The following FMO3 variants were observed in gnomAD, a reference collection of about 807,000 sequenced individuals.
FMO3 encodes flavin-containing monooxygenase 3.
Under a neutral mutation model 39.4 loss-of-function variants are expected in FMO3, and 40 were observed. The ratio of observed to expected loss-of-function variants is 1.02; its 90% CI spans 0.79 to 1.32. The LOEUF (loss-of-function observed/expected upper bound fraction) is 1.32, where lower values mean the gene tolerates loss of function less well. FMO3 is among the 40% of genes most tolerant of loss of function. The pLI, the probability that FMO3 is intolerant of heterozygous loss-of-function variation, is 0.00. For synonymous variants in FMO3, 219 were observed against 228.8 expected, an observed-to-expected ratio of 0.96 and a Z score of 0.39; for missense variants, 680 against 651.8, an observed-to-expected ratio of 1.04 and a Z score of -0.47.
chr1:171,096,990 T>C (rs967862627), intron 2 of FMO3, among the ~76,000 whole-genome samples: 3 of 150,598 alleles, frequency 2.0e-5, no homozygotes, highest in African/African-American at 7.3e-5. Flanking sequence ...CCTTCCTGTG[T>C]CCAAGTGTTC....
chr1:171,105,788 T>C (rs1655610343), intron 3 of FMO3, among the ~76,000 whole-genome samples: 1 of 152,090 alleles, frequency 6.6e-6, no homozygotes, highest in African/African-American at 2.4e-5. Flanking sequence ...TTCAGTTACA[T>C]TAACTGAAGT....
rs371891579 is a variant in FMO3, at chr1:171,108,174, A to G, written c.580A>G (p.Asn194Asp). 1.2e-6 allele frequency: 2 copies of G among 1,613,894 alleles called. No homozygotes were observed. Among genetic ancestry groups the G allele is most frequent in the Non-Finnish European group, 1.7e-6 (2 of 1,179,910 alleles). ...GKRVLVVGLG[N>D]SGCDIATELS... ...GCGTGTCCTGGTGGTTGGCCTGGGGAATTCGGGCTGTGATATTGCCACAGA... is the reference window on the plus strand; with the variant it reads ...GCGTGTCCTGGTGGTTGGCCTGGGGGATTCGGGCTGTGATATTGCCACAGA... The change falls in exon 5 of 9, where the codon AAT (asparagine) becomes GAT (aspartate). Residue 194 changes from asparagine (N) to aspartate (D), a missense_variant. Asn to Asp is a conservative substitution (Grantham distance 23). Transcript: ENST00000367755.
chr1:171,094,545 AT>A (rs1654862960), intron 2 of FMO3, among the ~76,000 whole-genome samples: 1 of 151,892 alleles, frequency 6.6e-6, no homozygotes, highest in African/African-American at 2.4e-5. Flanking sequence ...AGTTTTACCT[AT>A]TTTTTTCTAG....
chr1:171,096,295 T>A (rs1269332084), intron 2 of FMO3, among the ~76,000 whole-genome samples: 2 of 84,146 alleles, frequency 2.4e-5, no homozygotes, highest in Non-Finnish European at 4.0e-5. Flanking sequence ...TATATATCTA[T>A]TATATATCAT....
chr1:171,102,136 C>T (rs1655424623), intron 2 of FMO3, among the ~76,000 whole-genome samples: 1 of 152,150 alleles, frequency 6.6e-6, no homozygotes, highest in South Asian at 2.1e-4. Context: ...AACATGGCAA[C>T]TAATCTGCCA....
At chr1:171,103,734 T>C in intron 2 of FMO3, 51 bp from the exon 3 acceptor site, 1 of 1,434,824 alleles carries the variant, frequency 7.0e-7, no homozygotes, top group Non-Finnish European at 9.8e-7. Context: ...CTGACCATGA[T>C]CAGTATACTC....
rs138386003 is a variant in FMO3 at position 171,112,938 on chromosome 1, G to A, written c.828-1069G>A. Among the ~76,000 whole-genome samples, 220 of 152,308 alleles carry A rather than the reference G, an allele frequency of 1.4e-3. 1 individual carries two copies. The highest frequency in any genetic ancestry group is 5.1e-3 in the African/African-American group (211 of 41,576). On this transcript the variant is annotated intron_variant, in intron 6 of 8. Coordinates refer to ENST00000367755, the MANE Select transcript of FMO3 (RefSeq NM_001002294.3). Reference sequence around the variant, plus strand: ...CAGCAAAGTAGGAAAGGAACTGAGAGAGAGTGATGACCTGGAAACAAAATG... The same window carrying A: ...CAGCAAAGTAGGAAAGGAACTGAGAAAGAGTGATGACCTGGAAACAAAATG...
chr1:171,103,852 T>C lies in FMO3; in HGVS notation c.200T>C (p.Met67Thr). The change falls in exon 3 of 9, where the codon ATG becomes ACG. Residue 67 changes from methionine (M) to threonine (T), a missense_variant. Transcript: ENST00000367755. ...TTTTCCAACTCTTCCAAAGAGATGA[T>C]GTGTTTCCCAGACTTCCCATTTCCC... ...SVFSNSSKEMMCFPDFPFPDD... is the reference protein window; with the variant it reads ...SVFSNSSKEMTCFPDFPFPDD... 1 of 1,613,854 alleles carries C rather than the reference T, an allele frequency of 6.2e-7. No homozygotes were observed. Among genetic ancestry groups the C allele is most frequent in the Admixed American group, 1.7e-5 (1 of 59,964 alleles).
Position 171,117,203 on chromosome 1 carries a change from G to T in FMO3, c.1360G>T (p.Asp454Tyr). Residue 454 changes from aspartate to tyrosine, a missense_variant, in exon 9 of 9, where the codon GAT (aspartate) becomes TAT (tyrosine). Physicochemically the swap from Asp to Tyr is radical, Grantham distance 160. Transcript: ENST00000367755. Reference sequence around the variant, plus strand: ...CAACATCCCATGGCTGTTTCTCACAGATCCCAAATTGGCCATGGAAGTTTA... The same window carrying T: ...CAACATCCCATGGCTGTTTCTCACATATCCCAAATTGGCCATGGAAGTTTA... ...KPNIPWLFLT[D>Y]PKLAMEVYFG... 6.2e-7 allele frequency: 1 copy of T among 1,614,136 alleles called. No individual in the cohort carries two copies. Among genetic ancestry groups the T allele is most frequent in the Non-Finnish European group, 8.5e-7 (1 of 1,179,998 alleles).
At chr1:171,101,639 C>T in intron 2 of FMO3, 1 of 469,300 alleles carries the variant, frequency 2.1e-6, no homozygotes. Flanking sequence ...CTGTTTACTA[C>T]AGCACTTTCT....
intron 3 of FMO3, among the ~76,000 whole-genome samples, chr1:171,106,512 A>G (rs764417592): frequency 2.6e-5 from 4 of 152,218 alleles, no homozygotes; most frequent in Non-Finnish European, 5.9e-5. Context: ...AATGATGAAA[A>G]GTTAGAAGCA....
At chr1:171,093,855 G>A (rs12732215) in intron 2 of FMO3, among the ~76,000 whole-genome samples, 48,812 of 102,656 alleles carry the variant, frequency 0.48, 10,370 homozygotes, top group African/African-American at 0.55. Flanking sequence ...TTTTTTTTGA[G>A]TGGGAGTCTC....
At chr1:171,093,827 C>CTTTTTTTTTTTTT (rs1228257104) in intron 2 of FMO3, among the ~76,000 whole-genome samples, 2 of 75,290 alleles carry the variant, frequency 2.7e-5, no homozygotes, top group Admixed American at 1.9e-4. Context: ...TCACTAATAT[C>CTTTTTTTTTTTTT]TTTTTTTTTT....
intron 2 of FMO3, among the ~76,000 whole-genome samples, chr1:171,093,751 T>C (rs1795248): frequency 0.61 from 92,027 of 150,636 alleles, 28,870 homozygotes; most frequent in African/African-American, 0.77. Flanking sequence ...TAATTCTTTG[T>C]GAAATCTCCA....
chr1:171,116,302 GGA>G, intron 8 of FMO3, 22 bp downstream of exon 8: 1 of 1,263,162 alleles, frequency 7.9e-7, no homozygotes, highest in Non-Finnish European at 1.2e-6. Flanking sequence ...TATTGTAATA[GGA>G]GTGTAGGATT....
At chr1:171,094,974 G>A (rs1571198946) in intron 2 of FMO3, among the ~76,000 whole-genome samples, 2 of 152,166 alleles carry the variant, frequency 1.3e-5, no homozygotes, top group African/African-American at 4.8e-5. Flanking sequence ...GTAAAAAATG[G>A]CATTGATATT....
At chr1:171,102,417 T>C (rs1397854393) in intron 2 of FMO3, among the ~76,000 whole-genome samples, 3 of 152,182 alleles carry the variant, frequency 2.0e-5, no homozygotes, top group Non-Finnish European at 4.4e-5. Flanking sequence ...CTCTTCCTAA[T>C]CATGCTCCAA....
chr1:171,111,034 T>C (rs778313853), intron 6 of FMO3, 37 bp downstream of exon 6: 1 of 1,555,566 alleles, frequency 6.4e-7, no homozygotes, highest in South Asian at 1.1e-5. Context: ...CTGCTGGCTT[T>C]TAGTTCAGTG....
rs1328314442 is a variant in FMO3, at chr1:171,117,067, T to C, written c.1257-33T>C. On this transcript the variant is annotated intron_variant, in intron 8 of 8. Transcript: ENST00000367755. ...GTTCTGTTTCTACACAGAGTTTGGG[T>C]ATCCACAGTGGTGTTTTCTCTCCCA... is the stretch of plus-strand genomic sequence containing the variant. The C allele has an allele frequency of 2.0e-6, 3 of 1,499,978 alleles. No individual in the cohort carries two copies. The African/African-American group carries it at 4.1e-5, about 21-fold the overall frequency. The allele number at this position is 1,499,978 out of a possible 1,614,324, so 92.9% of individuals were successfully genotyped here. A position where few individuals can be genotyped will look rare whatever the true frequency, so the allele number is the denominator to read the frequency against.
Sources: gnomAD v4.1 joint callset for allele counts (sites outside exome capture counted in the v4.1 genomes callset) on GRCh38, gnomAD v4.1.1 for gene constraint, MANE v1.5 for transcripts, NCBI Gene and HGNC (gene_info 2026-07-23, HGNC 2026-07-21) for gene names.